DLG2: variants seen among roughly 807,000 people sequenced by gnomAD.
DLG2 encodes disks large homolog 2.
A neutral mutation model predicts 132.5 loss-of-function variants in DLG2; 45 were observed. The observed-to-expected ratio is 0.34, with a 90% CI of 0.27 to 0.44. The LOEUF is 0.44. Among genes scored for constraint, DLG2 ranks in the 20% least tolerant of loss-of-function variants. The pLI is 1.00. For synonymous variants in DLG2, 424 were observed against 419.6 expected (o/e 1.01, Z -0.13); for missense variants, 1,045 against 1,196.9 (o/e 0.87, Z 1.87).
intron 18 of DLG2, among the ~76,000 whole-genome samples, chr11:83,742,200 C>A (rs1395132392): frequency 7.6e-6 from 1 of 132,002 alleles, no homozygotes; most frequent in Non-Finnish European, 1.6e-5. Context: ...GTAAATTTTA[C>A]CACACTTTTA....
chr11:85,047,555 T>C (rs2062461503), intron 6 of DLG2, among the ~76,000 whole-genome samples: 2 of 151,880 alleles, frequency 1.3e-5, no homozygotes, highest in African/African-American at 4.8e-5. Flanking sequence ...AGCTGTGTTA[T>C]CTAGAATATA....
chr11:83,806,654 T>C lies in DLG2; in HGVS notation c.1723-19862A>G, dbSNP rs150299379. On this transcript the variant is annotated intron_variant, in intron 17 of 27. Coordinates refer to ENST00000376104, the MANE Select transcript of DLG2 (RefSeq NM_001142699.3). ...CCCAGCCACTGTTTCAGGCTTCTTG[T>C]TTTCCCAGGATGTGGCACAAATCGA... is the stretch of plus-strand genomic sequence containing the variant. Among the ~76,000 whole-genome samples the C allele has an allele frequency of 1.2e-3, 180 of 152,274 alleles. 2 individuals are homozygous for C. In the East Asian group the frequency reaches 0.028, roughly 24 times the overall value.
chr11:85,445,721 C>T (rs2091980234), intron 3 of DLG2, among the ~76,000 whole-genome samples: 1 of 152,116 alleles, frequency 6.6e-6, no homozygotes, highest in African/African-American at 2.4e-5. Context: ...AGAACAGGCA[C>T]ACCTCATTTA....
chr11:85,584,923 T>G (rs368829416), intron 3 of DLG2, among the ~76,000 whole-genome samples: 3 of 152,258 alleles, frequency 2.0e-5, no homozygotes, highest in Admixed American at 2.0e-4. Flanking sequence ...ATGTATAGAC[T>G]GCAAAGATTT....
intron 6 of DLG2, among the ~76,000 whole-genome samples, chr11:84,847,795 C>T (rs2081663528): frequency 6.6e-6 from 1 of 152,150 alleles, no homozygotes; most frequent in Admixed American, 6.6e-5. Context: ...ACCTCAGATT[C>T]TAATCCCAAG....
intron 21 of DLG2, among the ~76,000 whole-genome samples, chr11:83,496,515 T>C (rs1239599481): frequency 6.6e-6 from 1 of 152,170 alleles, no homozygotes; most frequent in Non-Finnish European, 1.5e-5. Context: ...TACAAGACTG[T>C]TCACAATTAC....
At chr11:85,482,448 G>C (rs1243594898) in intron 3 of DLG2, among the ~76,000 whole-genome samples, 1 of 152,148 alleles carries the variant, frequency 6.6e-6, no homozygotes, top group Non-Finnish European at 1.5e-5. Flanking sequence ...GTAACCCAGA[G>C]TCCAGGAGAC....
intron 7 of DLG2, among the ~76,000 whole-genome samples, chr11:84,343,944 T>C (rs2154407392): frequency 6.6e-6 from 1 of 152,314 alleles, no homozygotes; most frequent in Admixed American, 6.5e-5. Flanking sequence ...ATTCTTCCTG[T>C]CTAGTTATCT....
chr11:83,540,080 C>T (rs1466923241), intron 20 of DLG2, among the ~76,000 whole-genome samples: 1 of 152,124 alleles, frequency 6.6e-6, no homozygotes, highest in African/African-American at 2.4e-5. Flanking sequence ...TTAAAATGAC[C>T]TGACATCTAT....
chr11:83,494,035 T>C (rs1275190996), intron 21 of DLG2, among the ~76,000 whole-genome samples: 1 of 152,114 alleles, frequency 6.6e-6, no homozygotes, highest in Non-Finnish European at 1.5e-5. Context: ...CTGTCTACCA[T>C]AAATCCTTGT....
chr11:83,509,848 G>A (rs1041236956), intron 21 of DLG2, among the ~76,000 whole-genome samples: 2 of 152,110 alleles, frequency 1.3e-5, no homozygotes, highest in South Asian at 2.1e-4. Flanking sequence ...AGACCTGGGC[G>A]TAAGTTTTGG....
At chr11:83,565,164 AGTACTCT>A (rs1286802606) in intron 19 of DLG2, among the ~76,000 whole-genome samples, 1 of 152,188 alleles carries the variant, frequency 6.6e-6, no homozygotes, top group Non-Finnish European at 1.5e-5. Flanking sequence ...AGGCCACCTC[AGTACTCT>A]GTTACTGAGT....
intron 6 of DLG2, among the ~76,000 whole-genome samples, chr11:84,922,666 C>A (rs1490964507): frequency 6.6e-6 from 1 of 152,058 alleles, no homozygotes; most frequent in Non-Finnish European, 1.5e-5. Context: ...TTTAACCCCC[C>A]GGCTCTTAAA....
At chr11:84,317,076 C>T (rs996545665) in intron 7 of DLG2, 4 of 1,612,780 alleles carry the variant, frequency 2.5e-6, no homozygotes, top group Non-Finnish European at 3.4e-6. Flanking sequence ...AGGGTGGGCG[C>T]ACTCCTGACG....
In DLG2 at chr11:84,045,518, T is replaced by A. The variant is rs560987342; in HGVS notation, c.919+13797A>T. 5.9e-5 allele frequency among the ~76,000 whole-genome samples: 9 copies of A among 151,784 alleles called. No individual in the cohort carries two copies. The East Asian group carries it at 1.7e-3, about 29-fold the overall frequency. ...CATATGAAATAATATTCAATTGTCT[T>A]ATTCTTGACATGAACCAACAAAAAG... On this transcript the variant is annotated intron_variant, in intron 11 of 27. Coordinates refer to ENST00000376104, the MANE Select transcript of DLG2 (RefSeq NM_001142699.3).
intron 16 of DLG2, among the ~76,000 whole-genome samples, chr11:83,849,200 T>C (rs996223283): frequency 1.3e-5 from 2 of 151,740 alleles, no homozygotes; most frequent in African/African-American, 4.8e-5. Flanking sequence ...TATCCCAAAA[T>C]GGGTATAATG....
intron 6 of DLG2, among the ~76,000 whole-genome samples, chr11:84,921,258 T>C (rs56287233): frequency 0.11 from 17,198 of 152,134 alleles, 1,137 homozygotes; most frequent in African/African-American, 0.13. Flanking sequence ...TCTAAGGAAG[T>C]GCAAGAGCTA....
At chr11:83,663,737 A>G (rs2074907243) in intron 18 of DLG2, among the ~76,000 whole-genome samples, 1 of 152,180 alleles carries the variant, frequency 6.6e-6, no homozygotes, top group African/African-American at 2.4e-5. Context: ...GTTCCCTCCT[A>G]TAGTTCAGCA....
intron 18 of DLG2, among the ~76,000 whole-genome samples, chr11:83,690,383 C>T (rs1180288405): frequency 6.6e-6 from 1 of 151,502 alleles, no homozygotes; most frequent in Non-Finnish European, 1.5e-5. Flanking sequence ...CTGTACAAAC[C>T]AGTTTTTTAG....
Sources: gnomAD v4.1 joint callset for allele counts (sites outside exome capture counted in the v4.1 genomes callset) on GRCh38, gnomAD v4.1.1 for gene constraint, MANE v1.5 for transcripts, NCBI Gene and HGNC (gene_info 2026-07-23, HGNC 2026-07-21) for gene names.